The following MAP2 variants were observed in gnomAD, a reference collection of about 807,000 sequenced individuals.
MAP2 encodes the protein microtubule associated protein 2, also known as microtubule-associated protein 2.
In MAP2, 14 loss-of-function variants were observed where a neutral mutation model predicts 137.6. The observed-to-expected ratio is 0.10, with a 90% CI of 0.07 to 0.16. The LOEUF is 0.16. Among genes scored for constraint, MAP2 ranks in the 10% least tolerant of loss-of-function variants. The pLI is 1.00. For synonymous variants in MAP2, 786 were observed against 782.3 expected, an observed-to-expected ratio of 1.00 and a Z score of -0.08; for missense variants, 2,088 against 2,191.5, an observed-to-expected ratio of 0.95 and a Z score of 0.94.
chr2:209,603,866 AG>A (rs1459940497), intron 3 of MAP2, among the ~76,000 whole-genome samples: 4 of 152,208 alleles, frequency 2.6e-5, no homozygotes, highest in East Asian at 1.9e-4. Flanking sequence ...GTGCTCTGGT[AG>A]GGGGAAAAAA....
intron 7 of MAP2, among the ~76,000 whole-genome samples, chr2:209,687,203 C>T (rs1025615078): frequency 3.3e-5 from 5 of 149,784 alleles, no homozygotes; most frequent in African/African-American, 1.2e-4. Context: ...CAAAACACTA[C>T]TTGTGCATCC....
At chr2:209,619,333 CT>C (rs1470716665) in intron 3 of MAP2, among the ~76,000 whole-genome samples, 1 of 152,076 alleles carries the variant, frequency 6.6e-6, no homozygotes, top group Non-Finnish European at 1.5e-5. Flanking sequence ...TGATATCAAG[CT>C]TGATTTAGCC....
chr2:209,690,878 T>C (rs1270426313), intron 7 of MAP2: 1 of 1,248,842 alleles, frequency 8.0e-7, no homozygotes, highest in East Asian at 5.6e-5. Flanking sequence ...TGCATGTGTT[T>C]TGTTGCAAAT....
At chr2:209,661,152 T>C (rs1365943544) in intron 5 of MAP2, among the ~76,000 whole-genome samples, 1 of 152,180 alleles carries the variant, frequency 6.6e-6, no homozygotes, top group Non-Finnish European at 1.5e-5. Flanking sequence ...CTGTTCTGCT[T>C]TTCAATCTCA....
intron 4 of MAP2, among the ~76,000 whole-genome samples, chr2:209,639,491 C>G (rs1264793410): frequency 6.6e-6 from 1 of 152,162 alleles, no homozygotes; most frequent in Non-Finnish European, 1.5e-5. Context: ...TTTCAAACAA[C>G]TGTCTCTGAG....
chr2:209,469,161 C>G (rs1188771290), intron 1 of MAP2, among the ~76,000 whole-genome samples: 2 of 152,172 alleles, frequency 1.3e-5, no homozygotes, highest in African/African-American at 4.8e-5. Flanking sequence ...TGAATTCCTC[C>G]ATTAGGAAAC....
intron 3 of MAP2, among the ~76,000 whole-genome samples, chr2:209,596,477 T>C (rs1448174621): frequency 6.6e-6 from 1 of 152,216 alleles, no homozygotes; most frequent in Admixed American, 6.5e-5. Context: ...TCGCCAGCCC[T>C]AGTTAAATGT....
chr2:209,621,179 G>A (rs1437288534), intron 3 of MAP2, among the ~76,000 whole-genome samples: 1 of 151,676 alleles, frequency 6.6e-6, no homozygotes, highest in Admixed American at 6.6e-5. Context: ...TGGCAGCCTG[G>A]GCAACAAGGG....
intron 5 of MAP2, among the ~76,000 whole-genome samples, chr2:209,677,403 T>TAGATAGACAGAC (rs148418603): frequency 0.026 from 3,853 of 146,382 alleles, 133 homozygotes; most frequent in African/African-American, 0.079. Flanking sequence ...GATAGATAGA[T>TAGATAGACAGAC]AGACAGACAG....
chr2:209,567,182 G>A (rs2073620168), intron 2 of MAP2, among the ~76,000 whole-genome samples: 1 of 151,766 alleles, frequency 6.6e-6, no homozygotes, highest in South Asian at 2.1e-4. Context: ...CATTTTTTTA[G>A]GTCAATGTCC....
chr2:209,516,806 G>A (rs1047127332), intron 2 of MAP2, among the ~76,000 whole-genome samples: 5 of 152,058 alleles, frequency 3.3e-5, no homozygotes, highest in Admixed American at 6.6e-5. Flanking sequence ...TTTTCTACCT[G>A]TTTGGAAATT....
At chr2:209,556,024 C>CTTTTTTTTTTTTTT (rs34673279) in intron 2 of MAP2, among the ~76,000 whole-genome samples, 1 of 134,220 alleles carries the variant, frequency 7.5e-6, no homozygotes, top group Non-Finnish European at 1.5e-5. Flanking sequence ...GGCATTCTTT[C>CTTTTTTTTTTTTTT]TTTTTTTTTT....
At chr2:209,606,078 G>C (rs1368462752) in intron 3 of MAP2, among the ~76,000 whole-genome samples, 5 of 151,958 alleles carry the variant, frequency 3.3e-5, no homozygotes, top group Admixed American at 2.6e-4. Flanking sequence ...GTTATGATGG[G>C]GGGGGTGTAG....
Position 209,524,918 on chromosome 2 carries a change from C to T in MAP2, c.-172+17277C>T, listed in dbSNP as rs551197234. The stretch of plus-strand genomic sequence containing the variant: ...TCTCTTACCCCATGATAATTAGGGA[C>T]CATCAGTGTCCCTTGGGATCCAGAG... On this transcript the variant is annotated intron_variant, in intron 2 of 15. Transcript: ENST00000682079. Among the ~76,000 whole-genome samples the T allele has an allele frequency of 4.6e-5, 7 of 152,076 alleles. No homozygotes were observed. The East Asian group carries it at 1.2e-3, about 25-fold the overall frequency.
chr2:209,494,321 T>C (rs1343385006), intron 1 of MAP2, among the ~76,000 whole-genome samples: 1 of 151,534 alleles, frequency 6.6e-6, no homozygotes, highest in Non-Finnish European at 1.5e-5. Context: ...TTAGGAGAAA[T>C]ACCTAATGTA....
intron 3 of MAP2, among the ~76,000 whole-genome samples, chr2:209,619,997 A>G (rs1278578814): frequency 6.6e-6 from 1 of 152,120 alleles, no homozygotes; most frequent in African/African-American, 2.4e-5. Flanking sequence ...CTGCTGCTGT[A>G]ATCCTGAAGG....
intron 3 of MAP2, among the ~76,000 whole-genome samples, chr2:209,599,857 A>G (rs946641815): frequency 6.6e-6 from 1 of 152,204 alleles, no homozygotes; most frequent in African/African-American, 2.4e-5. Context: ...CCTCAGGTGT[A>G]TAAAACAGGA....
At chr2:209,631,089 C>A (rs2153549804) in intron 4 of MAP2, among the ~76,000 whole-genome samples, 1 of 133,850 alleles carries the variant, frequency 7.5e-6, no homozygotes, top group South Asian at 2.6e-4. Flanking sequence ...ATAGACAAAT[C>A]TAGAGACAGA....
At chr2:209,661,697 G>C (rs1254934383) in intron 5 of MAP2, 1 of 985,294 alleles carries the variant, frequency 1.0e-6, no homozygotes, top group Admixed American at 6.1e-5. Context: ...TGTCACGTTT[G>C]CTTTGTCCTA....
Sources: gnomAD v4.1 joint callset for allele counts (sites outside exome capture counted in the v4.1 genomes callset) on GRCh38, gnomAD v4.1.1 for gene constraint, MANE v1.5 for transcripts, NCBI Gene and HGNC (gene_info 2026-07-23, HGNC 2026-07-21) for gene names.